ERC2: variants seen among roughly 807,000 people sequenced by gnomAD.
The protein encoded by ERC2 is ERC protein 2.
Under a neutral mutation model 114.8 loss-of-function variants are expected in ERC2, and 42 were observed. The ratio of observed to expected loss-of-function variants is 0.37; its 90% CI spans 0.29 to 0.47. The LOEUF is 0.47. ERC2 is among the 20% of genes least tolerant of loss of function. The pLI, the probability that ERC2 is intolerant of heterozygous loss-of-function variation, is 0.99. For synonymous variants in ERC2, 454 were observed against 425.5 expected (o/e 1.07, Z -0.82); for missense variants, 939 against 1,150.7 (o/e 0.82, Z 2.66).
intron 17 of ERC2, among the ~76,000 whole-genome samples, chr3:55,625,393 A>G (rs1411850055): frequency 6.6e-6 from 1 of 151,472 alleles, no homozygotes; most frequent in Non-Finnish European, 1.5e-5. Flanking sequence ...AAAAAAAAGA[A>G]AAGAGAAAGA....
chr3:56,350,555 T>G (rs6807939), intron 2 of ERC2, among the ~76,000 whole-genome samples: 40,352 of 148,662 alleles, frequency 0.27, 5,496 homozygotes, highest in Admixed American at 0.31. Context: ...AAGAAGAGGA[T>G]ATATATATAT....
In ERC2 at chr3:56,420,379, T is replaced by C. The variant is rs146414524; in HGVS notation, c.657+13972A>G. ...TTTTAGTAAAGACAGGATCTTGCCA[T>C]GTTGCCCAGGCTGGTCTCAAATTCC... On this transcript the variant is annotated intron_variant, in intron 2 of 17. Transcript: ENST00000288221. Among the ~76,000 whole-genome samples the C allele has an allele frequency of 2.4e-3, 361 of 151,912 alleles. 1 individual carries two copies. The highest frequency in any genetic ancestry group is 7.5e-3 in the African/African-American group (310 of 41,434).
intron 7 of ERC2, among the ~76,000 whole-genome samples, chr3:56,035,483 C>T (rs746476947): frequency 2.7e-4 from 41 of 152,184 alleles, no homozygotes; most frequent in Non-Finnish European, 4.4e-4. Flanking sequence ...TCAATATTCA[C>T]GTGTTGGAGA....
At chr3:56,024,671 A>G (rs1404887016) in intron 7 of ERC2, among the ~76,000 whole-genome samples, 1 of 152,226 alleles carries the variant, frequency 6.6e-6, no homozygotes, top group Non-Finnish European at 1.5e-5. Context: ...TCTTCATAAA[A>G]TCAGAACAAA....
intron 17 of ERC2, among the ~76,000 whole-genome samples, chr3:55,564,959 A>G (rs565881292): frequency 4.6e-5 from 7 of 152,334 alleles, no homozygotes; most frequent in African/African-American, 7.2e-5. Flanking sequence ...GAAAGCAACC[A>G]TGCATAATAT....
At chr3:56,424,812 T>C (rs905567430) in intron 2 of ERC2, among the ~76,000 whole-genome samples, 14 of 152,204 alleles carry the variant, frequency 9.2e-5, no homozygotes, top group African/African-American at 2.9e-4. Context: ...TTTTTTGTCC[T>C]TCTGAGATTC....
chr3:55,966,174 T>TGTACA (rs1230689407), intron 12 of ERC2, among the ~76,000 whole-genome samples: 2 of 152,148 alleles, frequency 1.3e-5, no homozygotes. Context: ...TGAGAGCCCA[T>TGTACA]GTACAGATTC....
intron 14 of ERC2, among the ~76,000 whole-genome samples, chr3:55,816,073 C>T (rs532994068): frequency 6.6e-6 from 1 of 152,346 alleles, no homozygotes; most frequent in Middle Eastern, 3.4e-3. Context: ...TTTCTTCTCC[C>T]TTGCAGTCTT....
At chr3:56,062,472 C>T (rs899980891) in intron 7 of ERC2, among the ~76,000 whole-genome samples, 1 of 152,126 alleles carries the variant, frequency 6.6e-6, no homozygotes, top group Admixed American at 6.6e-5. Context: ...AAACCATTCA[C>T]TGCTTACTAT....
chr3:56,348,982 AGG>A (rs2058446222), intron 2 of ERC2, among the ~76,000 whole-genome samples: 1 of 150,056 alleles, frequency 6.7e-6, no homozygotes, highest in Non-Finnish European at 1.5e-5. Context: ...GAAAGAAAGA[AGG>A]AAAGAAAGAA....
chr3:56,158,037 G>C (rs184073475), intron 4 of ERC2, among the ~76,000 whole-genome samples: 2 of 151,982 alleles, frequency 1.3e-5, no homozygotes, highest in African/African-American at 4.8e-5. Flanking sequence ...GCCTGGGCAG[G>C]GCTGGCCAAG....
intron 6 of ERC2, among the ~76,000 whole-genome samples, chr3:56,129,155 T>A (rs1176728821): frequency 1.3e-5 from 2 of 152,216 alleles, no homozygotes; most frequent in African/African-American, 4.8e-5. Context: ...TATGTCTGCA[T>A]GGAATAAATA....
intron 7 of ERC2, among the ~76,000 whole-genome samples, chr3:56,040,580 C>CATATATATGTATACATGTATATGTAT (rs371531786): frequency 1.3e-5 from 1 of 74,570 alleles, no homozygotes; most frequent in African/African-American, 4.7e-5. Context: ...TATATGTATA[C>CATATATATGTATACATGTATATGTAT]ATATACATAT....
At chr3:55,848,908 C>T (rs1375666693) in intron 14 of ERC2, among the ~76,000 whole-genome samples, 1 of 152,122 alleles carries the variant, frequency 6.6e-6, no homozygotes, top group Non-Finnish European at 1.5e-5. Context: ...CAGTGTGGAG[C>T]TTTTGTGAGT....
At chr3:56,209,313 A>G (rs2048923120) in intron 3 of ERC2, among the ~76,000 whole-genome samples, 1 of 152,054 alleles carries the variant, frequency 6.6e-6, no homozygotes, top group South Asian at 2.1e-4. Flanking sequence ...TCAGGCCTTC[A>G]AGATGCCTTG....
At chr3:56,446,082 C>T (rs1301052915) in intron 1 of ERC2, among the ~76,000 whole-genome samples, 1 of 152,100 alleles carries the variant, frequency 6.6e-6, no homozygotes, top group South Asian at 2.1e-4. Flanking sequence ...TGAGGCTGTC[C>T]CTCCTCAGAT....
intron 15 of ERC2, among the ~76,000 whole-genome samples, chr3:55,733,542 T>TCACACACACACACACACACACA (rs58311179): frequency 2.8e-5 from 3 of 107,806 alleles, no homozygotes; most frequent in Non-Finnish European, 3.8e-5. Flanking sequence ...TCTCTCTCTC[T>TCACACACACACACACACACACA]CACACACACA....
chr3:55,532,824 T>C (rs1374698977), intron 17 of ERC2, among the ~76,000 whole-genome samples: 1 of 152,234 alleles, frequency 6.6e-6, no homozygotes, highest in Middle Eastern at 3.2e-3. Context: ...TTACATTTAT[T>C]CCAAAATATT....
chr3:56,219,230 A>C (rs1430970043), intron 3 of ERC2, among the ~76,000 whole-genome samples: 1 of 152,246 alleles, frequency 6.6e-6, no homozygotes, highest in East Asian at 1.9e-4. Context: ...ATCACCACTA[A>C]AGAACTTACT....
Sources: gnomAD v4.1 joint callset for allele counts (sites outside exome capture counted in the v4.1 genomes callset) on GRCh38, gnomAD v4.1.1 for gene constraint, MANE v1.5 for transcripts, NCBI Gene and HGNC (gene_info 2026-07-23, HGNC 2026-07-21) for gene names.